The following DCAF5 variants were observed in gnomAD, a reference collection of about 807,000 sequenced individuals.
The protein encoded by DCAF5 is DDB1- and CUL4-associated factor 5.
DCAF5 carries 9 observed loss-of-function variants against 80.7 expected under a neutral mutation model. That is an observed-to-expected ratio of 0.11 (90% CI 0.07 to 0.19). The LOEUF (loss-of-function observed/expected upper bound fraction) is 0.19. Ranked by LOEUF, DCAF5 falls within the 10% of genes least tolerant of loss-of-function variation. DCAF5 has a pLI of 1.00. For synonymous variants in DCAF5, 433 were observed against 461.9 expected, an observed-to-expected ratio of 0.94 and a Z score of 0.80; for missense variants, 842 against 1,205.7, an observed-to-expected ratio of 0.70 and a Z score of 4.47.
chr14:69,074,160 T>C (rs1290490664), intron 7 of DCAF5, among the ~76,000 whole-genome samples: 1 of 152,244 alleles, frequency 6.6e-6, no homozygotes, highest in Non-Finnish European at 1.5e-5. Context: ...AGCCAAGAAC[T>C]TCCCTAAACT....
intron 1 of DCAF5, among the ~76,000 whole-genome samples, chr14:69,139,320 C>T (rs556913944): frequency 8.0e-5 from 12 of 150,094 alleles, no homozygotes; most frequent in South Asian, 2.1e-4. Flanking sequence ...CTTGTCTCTA[C>T]GAAAAAATTA....
chr14:69,108,619 T>C (rs1361517786), intron 5 of DCAF5, among the ~76,000 whole-genome samples: 1 of 151,872 alleles, frequency 6.6e-6, no homozygotes, highest in Non-Finnish European at 1.5e-5. Context: ...AGACAGACGA[T>C]GACAATAATA....
chr14:69,116,016 C>T (rs1025425483), intron 5 of DCAF5, among the ~76,000 whole-genome samples: 1 of 152,070 alleles, frequency 6.6e-6, no homozygotes, highest in African/African-American at 2.4e-5. Context: ...TCCACCTCCT[C>T]CCCTCCACCC....
chr14:69,053,830 TAGC>T lies in DCAF5; in HGVS notation c.*24_*26del. On this transcript the variant is annotated 3_prime_UTR_variant, in exon 9 of 9. Transcript: ENST00000341516. ...TTTTTTTTTTGTAAGGCTACTTTTG[TAGC>T]TTTTTGTTTTCCCTTTGTATTTATC... The T allele has an allele frequency of 6.4e-7, 1 of 1,558,722 alleles. No homozygotes were observed. The highest frequency in any genetic ancestry group is 8.6e-7 in the Non-Finnish European group (1 of 1,162,122).
At chr14:69,075,775 C>A (rs1342751720) in intron 6 of DCAF5, among the ~76,000 whole-genome samples, 1 of 152,152 alleles carries the variant, frequency 6.6e-6, no homozygotes, top group Admixed American at 6.5e-5. Context: ...TGAGTCACCA[C>A]AACTGGCCTA....
intron 7 of DCAF5, among the ~76,000 whole-genome samples, chr14:69,063,345 A>C (rs2038301334): frequency 6.6e-6 from 1 of 152,224 alleles, no homozygotes; most frequent in Non-Finnish European, 1.5e-5. Flanking sequence ...TTTCCACTGC[A>C]CTGGTAATGG....
intron 7 of DCAF5, among the ~76,000 whole-genome samples, chr14:69,068,585 C>A (rs371263525): frequency 6.6e-6 from 1 of 151,714 alleles, no homozygotes; most frequent in East Asian, 1.9e-4. Context: ...GTAATCCCAG[C>A]TACTCAGGAG....
At chr14:69,075,556 A>G in intron 6 of DCAF5, 145 bp from the exon 7 acceptor site, 1 of 334,780 alleles carries the variant, frequency 3.0e-6, no homozygotes, top group East Asian at 7.5e-5. Flanking sequence ...ATCTCGGCTC[A>G]CTGCAACCTC....
chr14:69,085,173 T>C, intron 6 of DCAF5: 1 of 736,944 alleles, frequency 1.4e-6, no homozygotes, highest in South Asian at 1.4e-5. Context: ...GAAACAGATC[T>C]TTAATGTTTA....
intron 1 of DCAF5, among the ~76,000 whole-genome samples, chr14:69,129,687 C>T (rs1284388592): frequency 6.6e-6 from 1 of 152,190 alleles, no homozygotes; most frequent in Non-Finnish European, 1.5e-5. Flanking sequence ...GCCCCATGGG[C>T]CTGGCAGTTG....
intron 5 of DCAF5, among the ~76,000 whole-genome samples, chr14:69,098,534 A>AT (rs1305739566): frequency 1.3e-5 from 2 of 152,126 alleles, no homozygotes; most frequent in Non-Finnish European, 2.9e-5. Context: ...AATAATAGGC[A>AT]TTTGATAATC....
intron 1 of DCAF5, among the ~76,000 whole-genome samples, chr14:69,136,410 C>T (rs1014686308): frequency 1.5e-4 from 23 of 152,052 alleles, no homozygotes; most frequent in African/African-American, 5.1e-4. Flanking sequence ...GCCACAGCAC[C>T]CAGCCTATAA....
intron 8 of DCAF5, among the ~76,000 whole-genome samples, chr14:69,058,347 T>C (rs1249717815): frequency 6.6e-6 from 1 of 151,358 alleles, no homozygotes; most frequent in African/African-American, 2.4e-5. Context: ...GGTAAAACCC[T>C]GTCTCTACCA....
In DCAF5 at chr14:69,054,312, G is replaced by A. The variant is rs1178910694; in HGVS notation, c.2374C>T (p.Pro792Ser). The change falls in exon 9 of 9, where the codon CCG (proline) becomes TCG (serine). Residue 792 changes from proline to serine, a missense_variant. Pro to Ser is a moderately conservative substitution (Grantham distance 74, BLOSUM62 -1). This residue lies in a region of DCAF5 where 607 missense variants were observed against 656.6 expected (regional missense o/e 0.92). Transcript: ENST00000341516. ...GKALSSRAEE[P>S]PSPPVPKASG... The stretch of plus-strand genomic sequence containing the variant: ...GCCTTGGGGACAGGAGGAGAAGGCG[G>A]CTCCTCAGCCCGACTGCTCAGGGCC... The A allele has an allele frequency of 8.1e-6, 13 of 1,614,186 alleles. No individual in the cohort carries two copies. Among genetic ancestry groups the A allele is most frequent in the Non-Finnish European group, 1.1e-5 (13 of 1,180,036 alleles).
intron 1 of DCAF5, among the ~76,000 whole-genome samples, chr14:69,123,346 G>A (rs1300666949): frequency 7.2e-5 from 11 of 152,226 alleles, no homozygotes; most frequent in African/African-American, 2.4e-4. Flanking sequence ...TCCAAGGAAT[G>A]AGCATTGACA....
At chr14:69,119,728 GA>G (rs1262195352) in intron 2 of DCAF5, among the ~76,000 whole-genome samples, 1 of 150,108 alleles carries the variant, frequency 6.7e-6, no homozygotes, top group Non-Finnish European at 1.5e-5. Flanking sequence ...AAGTAGGGGG[GA>G]AACAACACAA....
At chr14:69,105,914 C>CATAGATATATATAT (rs2040123776) in intron 5 of DCAF5, among the ~76,000 whole-genome samples, 1 of 49,970 alleles carries the variant, frequency 2.0e-5, no homozygotes, top group Admixed American at 3.0e-4. Flanking sequence ...AATAAACTGT[C>CATAGATATATATAT]ATATATATAT....
Position 69,118,308 on chromosome 14 carries a change from C to T in DCAF5, c.396-30G>A, listed in dbSNP as rs773035487. ...GAGATAAGAGAGCAAGACAGAGGCA[C>T]ACACATACACACAAGCATAGTGCAG... On this transcript the variant is annotated intron_variant, in intron 3 of 8. Coordinates refer to ENST00000341516, the MANE Select transcript of DCAF5 (RefSeq NM_003861.3). The surrounding 1 kb of genome is among the most constrained non-coding windows in gnomAD (Gnocchi z 4.0). The T allele has an allele frequency of 3.7e-6, 6 of 1,610,684 alleles. No individual in the cohort carries two copies. The highest frequency in any genetic ancestry group is 4.2e-6 in the Non-Finnish European group (5 of 1,177,786).
At chr14:69,109,783 T>C (rs897975792) in intron 5 of DCAF5, among the ~76,000 whole-genome samples, 4 of 152,256 alleles carry the variant, frequency 2.6e-5, no homozygotes, top group African/African-American at 9.6e-5. Flanking sequence ...CAGCTGTAAA[T>C]GTTCCTGTAC....
Sources: gnomAD v4.1 joint callset for allele counts (sites outside exome capture counted in the v4.1 genomes callset) on GRCh38, gnomAD v4.1.1 for gene constraint, gnomAD v4.1.1 regional missense constraint, Gnocchi (gnomAD v3.1) non-coding constraint, MANE v1.5 for transcripts, NCBI Gene and HGNC (gene_info 2026-07-23, HGNC 2026-07-21) for gene names.